Variants in COL1A2 observed in about 807,000 individuals in gnomAD.
COL1A2 encodes the protein collagen type I alpha 2 chain.
A neutral mutation model predicts 174.3 loss-of-function variants in COL1A2; 49 were observed. The ratio of observed to expected loss-of-function variants is 0.28; its 90% CI spans 0.22 to 0.36. The LOEUF is 0.36. COL1A2 is among the 10% of genes least tolerant of loss of function. The probability of loss-of-function intolerance (pLI) is 1.00; values close to 1 mark genes in which losing one functional copy is unlikely to be tolerated. For synonymous variants in COL1A2, 655 were observed against 606.6 expected (o/e 1.08, Z -1.17); for missense variants, 1,438 against 1,822.7 (o/e 0.79, Z 3.84).
rs970370751 is a variant in COL1A2 at position 94,410,427 on chromosome 7, C to G, written c.1097C>G (p.Ala366Gly). The G allele has an allele frequency of 3.9e-6, 6 of 1,551,890 alleles. No homozygotes were observed. The African/African-American group carries it at 6.8e-5, about 18-fold the overall frequency. Residue 366 changes from alanine to glycine, a missense_variant, in exon 21 of 52, where the codon GCT becomes GGT. Coordinates refer to ENST00000297268, the MANE Select transcript of COL1A2 (RefSeq NM_000089.4). ...ESGNKGEPGS[A>G]GPQGPPGPSG... ...GTTCTTTTCATTAAACAGGGCTCTG[C>G]TGGGCCCCAAGGTCCTCCTGGTCCC...
Position 94,430,611 on chromosome 7 carries a change from T to A in COL1A2, c.*218T>A. 1 of 567,584 alleles carries A rather than the reference T, an allele frequency of 1.8e-6. No individual in the cohort carries two copies. Among genetic ancestry groups the A allele is most frequent in the Non-Finnish European group, 3.1e-6 (1 of 323,248 alleles). The allele number at this position is 567,584 out of a possible 1,614,324, so 35.2% of individuals were successfully genotyped here. Reference sequence around the variant, plus strand: ...CCCGCTCCCCCAAAAATTTGAATTTTTTTTTCAACACTCTTACACCTGTTA... The same window carrying A: ...CCCGCTCCCCCAAAAATTTGAATTTATTTTTCAACACTCTTACACCTGTTA... On this transcript the variant is annotated 3_prime_UTR_variant, in exon 52 of 52. Coordinates refer to ENST00000297268, the MANE Select transcript of COL1A2 (RefSeq NM_000089.4).
chr7:94,404,519 T>C (rs1791753810), intron 6 of COL1A2, 37 bp from the exon 7 acceptor site: 1 of 1,609,566 alleles, frequency 6.2e-7, no homozygotes, highest in South Asian at 1.1e-5. Flanking sequence ...TGACAACTTA[T>C]CAGTGCTAAC....
intron 12 of COL1A2, 87 bp downstream of exon 12, chr7:94,406,390 C>A: frequency 8.5e-7 from 1 of 1,171,358 alleles, no homozygotes; most frequent in Non-Finnish European, 1.3e-6. Context: ...CTGAAGACTA[C>A]CCATATTACA....
chr7:94,408,418 A>T, intron 15 of COL1A2, 38 bp downstream of exon 15: 1 of 1,604,702 alleles, frequency 6.2e-7, no homozygotes, highest in Non-Finnish European at 8.5e-7. Flanking sequence ...AGGAGTTGAG[A>T]ATGTGGGGTG....
chr7:94,412,083 C>G lies in COL1A2; in HGVS notation c.1366C>G (p.Pro456Ala), dbSNP rs899057268. 2 of 1,612,458 alleles carry G rather than the reference C, an allele frequency of 1.2e-6. No homozygotes were observed. Among genetic ancestry groups the G allele is most frequent in the Non-Finnish European group, 1.7e-6 (2 of 1,179,192 alleles). Residue 456 changes from proline to alanine, a missense_variant, in exon 24 of 52, where the codon CCT becomes GCT. Pro to Ala is a conservative substitution (Grantham distance 27, BLOSUM62 -1). Around this residue, in one of 3 missense-constraint regions of COL1A2, gnomAD observed 867 missense variants for 1,213.7 expected, o/e 0.71. Transcript: ENST00000297268. ...TATTTTATAGGGTCTTCCTGGTTCC[C>G]CTGGAAATATCGGCCCCGCTGGAAA... ...LMGPRGLPGS[P>A]GNIGPAGKEG...
At chr7:94,402,620 A>G (rs763079667) in intron 6 of COL1A2, among the ~76,000 whole-genome samples, 1 of 152,144 alleles carries the variant, frequency 6.6e-6, no homozygotes, top group African/African-American at 2.4e-5. Flanking sequence ...GTATACTAGC[A>G]TATATGAAAT....
chr7:94,418,196 T>A (rs1236810264), intron 32 of COL1A2, among the ~76,000 whole-genome samples: 2 of 152,214 alleles, frequency 1.3e-5, no homozygotes, highest in Admixed American at 1.3e-4. Context: ...CAGCCCATTG[T>A]GATGTTGCCT....
chr7:94,401,406 G>T (rs1471231118), intron 5 of COL1A2, among the ~76,000 whole-genome samples, 161 bp from the exon 6 acceptor site: 2 of 152,114 alleles, frequency 1.3e-5, no homozygotes, highest in African/African-American at 4.8e-5. Context: ...TAGGAATTTA[G>T]TTCAATATAG....
Position 94,427,892 on chromosome 7 carries a change from C to A in COL1A2, c.3526+7C>A. On this transcript the variant is annotated splice_region_variant and intron_variant, in intron 49 of 51. Transcript: ENST00000297268. Reference sequence around the variant, plus strand: ...CACCCAGAGTGGAGCAGTGGTAGGTCAAGATGTCCAGACCAGACTGACCCT... The same window carrying A: ...CACCCAGAGTGGAGCAGTGGTAGGTAAAGATGTCCAGACCAGACTGACCCT... The A allele has an allele frequency of 6.2e-7, 1 of 1,613,854 alleles. No individual in the cohort carries two copies. The highest frequency in any genetic ancestry group is 8.5e-7 in the Non-Finnish European group (1 of 1,179,932).
At position 94,404,616 on chromosome 7, in the gene COL1A2, T is replaced by TTGTAA; in HGVS notation, c.324+19_324+23dup. ...TGGAGCCCCAGTAAGTACTGAAAGC[T>TTGTAA]TGTAATGCCTCTTATGTAAAAAGAC... On this transcript the variant is annotated intron_variant, in intron 7 of 51. Coordinates refer to ENST00000297268, the MANE Select transcript of COL1A2 (RefSeq NM_000089.4). 6.2e-7 allele frequency: 1 copy of TTGTAA among 1,614,078 alleles called. No homozygotes were observed. Among genetic ancestry groups the TTGTAA allele is most frequent in the South Asian group, 1.1e-5 (1 of 91,068 alleles).
rs549594674 is a variant in COL1A2 at position 94,409,687 on chromosome 7, C to T, written c.937-36C>T. 135 of 1,613,038 alleles carry T rather than the reference C, an allele frequency of 8.4e-5. 1 individual carries two copies. In the South Asian group the frequency reaches 1.4e-3, roughly 16 times the overall value. ...TGTGTGCTGCCTCTACAGCCCATCACCTCCCTAATGGACCACACTGCATTT... is the reference window on the plus strand; with the variant it reads ...TGTGTGCTGCCTCTACAGCCCATCATCTCCCTAATGGACCACACTGCATTT... On this transcript the variant is annotated intron_variant, in intron 18 of 51. Coordinates refer to ENST00000297268, the MANE Select transcript of COL1A2 (RefSeq NM_000089.4).
chr7:94,408,072 T>G, intron 13 of COL1A2, 111 bp from the exon 14 acceptor site: 2 of 1,297,654 alleles, frequency 1.5e-6, no homozygotes, highest in East Asian at 5.0e-5. Flanking sequence ...AGGCAACTTA[T>G]TTATTTTTAG....
chr7:94,407,789 T>C lies in COL1A2; in HGVS notation c.595-58T>C, dbSNP rs1562900063. 2.7e-6 allele frequency: 4 copies of C among 1,506,566 alleles called. No homozygotes were observed. The East Asian group carries it at 9.1e-5, about 34-fold the overall frequency. The allele number at this position is 1,506,566 out of a possible 1,614,324, so 93.3% of individuals were successfully genotyped here. Reference sequence around the variant, plus strand: ...TAAAAAAAATAGAGTAAAATTGCACTATCAGGAAAAATAATTGTTATATTT... The same window carrying C: ...TAAAAAAAATAGAGTAAAATTGCACCATCAGGAAAAATAATTGTTATATTT... On this transcript the variant is annotated intron_variant, in intron 12 of 51. Transcript: ENST00000297268.
At chr7:94,401,546 T>TAA in intron 5 of COL1A2, 21 bp from the exon 6 acceptor site, 1 of 1,196,806 alleles carries the variant, frequency 8.4e-7, no homozygotes, top group South Asian at 2.5e-5. Context: ...TATATATAAT[T>TAA]TTTTTTTTTT....
At chr7:94,427,398 A>T (rs1792301557) in intron 48 of COL1A2, 103 bp downstream of exon 48, 4 of 1,169,844 alleles carry the variant, frequency 3.4e-6, no homozygotes, top group Non-Finnish European at 4.9e-6. Context: ...AGTTAGCCCC[A>T]TTTCAATATA....
rs1486991713 is a variant in COL1A2 at position 94,421,695 on chromosome 7, T to C, written c.2350-204T>C. Among the ~76,000 whole-genome samples, 3 of 150,922 alleles carry C rather than the reference T, an allele frequency of 2.0e-5. No individual in the cohort carries two copies. In the East Asian group the frequency reaches 5.8e-4, roughly 29 times the overall value. Reference sequence around the variant, plus strand: ...CGCAAAATATGGGCATTGCAACTGGTAATATGCTGGTAAGGAAGATGTGTG... The same window carrying C: ...CGCAAAATATGGGCATTGCAACTGGCAATATGCTGGTAAGGAAGATGTGTG... On this transcript the variant is annotated intron_variant, in intron 38 of 51. Coordinates refer to ENST00000297268, the MANE Select transcript of COL1A2 (RefSeq NM_000089.4).
Position 94,425,122 on chromosome 7 carries a change from A to G in COL1A2, c.2679A>G (p.Glu893=). The G allele has an allele frequency of 6.2e-7, 1 of 1,613,950 alleles. No individual in the cohort carries two copies. The highest frequency in any genetic ancestry group is 8.5e-7 in the Non-Finnish European group (1 of 1,179,894). Reference sequence around the variant, plus strand: ...TATCTTCTCTGCCTGTTTAGGGTGAACCTGGTCCTCTTGGCATTGCCGGCC... The same window carrying G: ...TATCTTCTCTGCCTGTTTAGGGTGAGCCTGGTCCTCTTGGCATTGCCGGCC... The part of the protein sequence containing the change: ...GLPGVAGAVG[E]PGPLGIAGPP... Residue 893 remains glutamate (E), a synonymous_variant, in exon 42 of 52, where the codon GAA becomes GAG. Transcript: ENST00000297268.
At position 94,428,366 on chromosome 7, in the gene COL1A2, C is replaced by G; in HGVS notation, c.3600C>G (p.Gly1200=). The change falls in exon 50 of 52, where the codon GGC becomes GGG. Residue 1200 remains glycine (G), a synonymous_variant. Transcript: ENST00000297268. ...AIKVYCDFST[G]ETCIRAQPEN... ...AAGTATACTGTGATTTCTCTACTGGCGAAACCTGTATCCGGGCCCAACCTG... is the reference window on the plus strand; with the variant it reads ...AAGTATACTGTGATTTCTCTACTGGGGAAACCTGTATCCGGGCCCAACCTG... 6.2e-7 allele frequency: 1 copy of G among 1,613,972 alleles called. No individual in the cohort carries two copies. Among genetic ancestry groups the G allele is most frequent in the South Asian group, 1.1e-5 (1 of 91,078 alleles).
chr7:94,422,219 A>G (rs1792180813), intron 39 of COL1A2, among the ~76,000 whole-genome samples: 1 of 151,748 alleles, frequency 6.6e-6, no homozygotes, highest in South Asian at 2.1e-4. Flanking sequence ...AAAAAAACGA[A>G]CAGTTTTAGC....
Sources: allele counts gnomAD v4.1 joint callset (sites outside exome capture counted in the v4.1 genomes callset), GRCh38; gene constraint gnomAD v4.1.1; regional missense constraint gnomAD v4.1.1; transcripts MANE v1.5; gene names NCBI Gene and HGNC (gene_info 2026-07-23, HGNC 2026-07-21).